The following TCTN2 variants were observed in gnomAD, a reference collection of about 807,000 sequenced individuals.
The protein encoded by TCTN2 is tectonic-2.
Under a neutral mutation model 83.4 loss-of-function variants are expected in TCTN2, and 66 were observed. The ratio of observed to expected loss-of-function variants is 0.79; its 90% confidence interval spans 0.65 to 0.97. The LOEUF (loss-of-function observed/expected upper bound fraction) is 0.97. Among genes scored for constraint, TCTN2 ranks in the 50% least tolerant of loss-of-function variants. The pLI is 0.00. For missense variants in TCTN2, 794 were observed against 858.1 expected (o/e 0.93, Z 0.93); for synonymous variants, 301 against 326.7 (o/e 0.92, Z 0.85).
chr12:123,682,952 A>C (rs913445955), intron 5 of TCTN2, among the ~76,000 whole-genome samples: 2 of 151,962 alleles, frequency 1.3e-5, no homozygotes, highest in African/African-American at 4.8e-5. Flanking sequence ...GGCCGGGCTC[A>C]GTAGCTCACG....
chr12:123,692,337 G>A (rs1176660052), intron 8 of TCTN2, among the ~76,000 whole-genome samples: 3 of 152,192 alleles, frequency 2.0e-5, no homozygotes, highest in African/African-American at 7.2e-5. Flanking sequence ...GAGCCCCTGC[G>A]CCTGGCCAAT....
chr12:123,688,285 G>A (rs1219724566), intron 7 of TCTN2, 108 bp downstream of exon 7: 25 of 1,392,062 alleles, frequency 1.8e-5, no homozygotes, highest in African/African-American at 9.0e-5. Context: ...GCCAGATCTC[G>A]GCTCACTGCA....
intron 15 of TCTN2, among the ~76,000 whole-genome samples, chr12:123,705,000 G>T (rs752215734): frequency 1.8e-4 from 28 of 152,036 alleles, no homozygotes; most frequent in Non-Finnish European, 3.7e-4. Flanking sequence ...TCTGATCAGA[G>T]AATATTGTCT....
intron 4 of TCTN2, among the ~76,000 whole-genome samples, chr12:123,674,573 A>G (rs1955797684): frequency 1.3e-5 from 2 of 152,032 alleles, no homozygotes; most frequent in Admixed American, 1.3e-4. Context: ...CGGCACGTGC[A>G]TTGATTGTCA....
At chr12:123,696,250 CT>C (rs778106156) in intron 11 of TCTN2, 164 bp from the exon 12 acceptor site, 28 of 653,084 alleles carry the variant, frequency 4.3e-5, no homozygotes, top group Admixed American at 1.9e-4. Context: ...TCTTTAGCTA[CT>C]GTTTTTTTTG....
intron 7 of TCTN2, among the ~76,000 whole-genome samples, chr12:123,689,429 T>C (rs1008414512): frequency 5.9e-5 from 9 of 152,174 alleles, no homozygotes; most frequent in African/African-American, 9.7e-5. Context: ...CTCGAAATTC[T>C]TCTGCCTTGG....
At chr12:123,679,085 C>T in intron 4 of TCTN2, 104 bp from the exon 5 acceptor site, 2 of 1,051,206 alleles carry the variant, frequency 1.9e-6, no homozygotes, top group Non-Finnish European at 1.5e-6. Flanking sequence ...GCGTGAGCCA[C>T]CGCGCCTGGC....
At chr12:123,695,585 C>CT (rs34123979) in intron 11 of TCTN2, 668 of 172,766 alleles carry the variant, frequency 3.9e-3, no homozygotes, top group East Asian at 8.8e-3. Flanking sequence ...CCATGCCTGG[C>CT]TTTTTTTTTT....
intron 9 of TCTN2, 114 bp from the exon 10 acceptor site, chr12:123,694,728 G>A (rs1354767973): frequency 2.7e-6 from 3 of 1,100,664 alleles, no homozygotes; most frequent in African/African-American, 1.6e-5. Context: ...CTGGAGATAG[G>A]GAGGGCAGGG....
At chr12:123,706,438 C>T (rs1956230573) in intron 15 of TCTN2, among the ~76,000 whole-genome samples, 1 of 152,148 alleles carries the variant, frequency 6.6e-6, no homozygotes, top group Admixed American at 6.5e-5. Context: ...TTTGATAGCA[C>T]CTGTATACAA....
rs754048525 is a variant in TCTN2 at position 123,688,083 on chromosome 12, ATG to A, written c.800_801del (p.Val267GlyfsTer3). 1.9e-6 allele frequency: 3 copies of A among 1,614,136 alleles called. No individual in the cohort carries two copies. In the Admixed American group the frequency reaches 5.0e-5, roughly 27 times the overall value. ...AAACAGGACTCTTCCTTTGAAGTATATGTGGATACTGACGCAAAAGACTTTGC... is the reference window on the plus strand; with the variant it reads ...AAACAGGACTCTTCCTTTGAAGTATATGGATACTGACGCAAAAGACTTTGC... On this transcript the variant is annotated frameshift_variant, in exon 7 of 18. Transcript: ENST00000303372. LOFTEE classifies it high-confidence loss of function.
chr12:123,672,475 C>T (rs1216435689), intron 3 of TCTN2, among the ~76,000 whole-genome samples: 1 of 152,172 alleles, frequency 6.6e-6, no homozygotes, highest in Non-Finnish European at 1.5e-5. Context: ...GTGGCTCACG[C>T]CTGTACTCAT....
In TCTN2 at chr12:123,704,662, G is replaced by A. The variant is rs761488428; in HGVS notation, c.1743G>A (p.Gln581=). The change falls in exon 15 of 18, where the codon CAG becomes CAA. Residue 581 remains glutamine (Q), a synonymous_variant. Transcript: ENST00000303372. ...CTGGCGCGGTGGAAGGGATTACTCA[G>A]CAGGAGATACTCGGTGTAGAGACAA... The part of the protein sequence containing the change: ...SDAGAVEGIT[Q]QEILGVETRF... 3 of 1,613,486 alleles carry A rather than the reference G, an allele frequency of 1.9e-6. No homozygotes were observed. Among genetic ancestry groups the A allele is most frequent in the African/African-American group, 2.7e-5 (2 of 74,780 alleles).
chr12:123,690,718 A>G, intron 8 of TCTN2, 44 bp downstream of exon 8: 1 of 1,606,540 alleles, frequency 6.2e-7, no homozygotes, highest in Non-Finnish European at 8.5e-7. Context: ...CCCAAACATG[A>G]ATATAAAGTA....
At chr12:123,671,699 GGCCCC>G in intron 2 of TCTN2, 85 bp downstream of exon 2, 1 of 1,256,400 alleles carries the variant, frequency 8.0e-7, no homozygotes. Context: ...GCATCCTTGG[GGCCCC>G]CTGCCTCTGT....
intron 5 of TCTN2, among the ~76,000 whole-genome samples, chr12:123,684,967 T>C (rs1955946065): frequency 1.3e-5 from 2 of 151,362 alleles, no homozygotes; most frequent in Admixed American, 6.6e-5. Context: ...GGAGAATCGC[T>C]TGAACCCAAG....
At chr12:123,696,852 C>G (rs958734188) in intron 12 of TCTN2, 2 of 550,626 alleles carry the variant, frequency 3.6e-6, no homozygotes, top group Non-Finnish European at 6.5e-6. Flanking sequence ...GTGGTAATTA[C>G]GCACACCTGC....
intron 8 of TCTN2, among the ~76,000 whole-genome samples, chr12:123,691,729 T>G (rs1956043393): frequency 7.7e-6 from 1 of 129,854 alleles, no homozygotes; most frequent in Non-Finnish European, 1.7e-5. Flanking sequence ...GTTTTTTTTT[T>G]GTTTTTTTGG....
At chr12:123,705,199 C>T (rs1456460914) in intron 15 of TCTN2, among the ~76,000 whole-genome samples, 10 of 146,896 alleles carry the variant, frequency 6.8e-5, no homozygotes, top group South Asian at 2.1e-4. Flanking sequence ...AGTCTTGCTC[C>T]GTCTCCAGGC....
Sources: allele counts gnomAD v4.1 joint callset (sites outside exome capture counted in the v4.1 genomes callset), GRCh38; gene constraint gnomAD v4.1.1; transcripts MANE v1.5; gene names NCBI Gene and HGNC (gene_info 2026-07-23, HGNC 2026-07-21).